ARAP1: variants seen among roughly 807,000 people sequenced by gnomAD.
The protein encoded by ARAP1 is ArfGAP with RhoGAP domain, ankyrin repeat and PH domain 1.
In ARAP1, 76 loss-of-function variants were observed where a neutral mutation model predicts 172.2. The ratio of observed to expected loss-of-function variants is 0.44; its 90% CI spans 0.37 to 0.53. The LOEUF is 0.53. Among genes scored for constraint, ARAP1 ranks in the 20% least tolerant of loss-of-function variants. The pLI, the probability that ARAP1 is intolerant of heterozygous loss-of-function variation, is 0.00. For synonymous variants in ARAP1, 804 were observed against 803.3 expected (o/e 1.00, Z -0.01); for missense variants, 1,686 against 1,977.5 (o/e 0.85, Z 2.80).
chr11:72,733,376 C>T (rs765640623), intron 1 of ARAP1, among the ~76,000 whole-genome samples: 5 of 152,194 alleles, frequency 3.3e-5, no homozygotes, highest in Non-Finnish European at 7.3e-5. Flanking sequence ...ACAGGACCCT[C>T]TCCACTAAGC....
At position 72,688,602 on chromosome 11, in the gene ARAP1, G is replaced by T. The variant is rs550121669; in HGVS notation, c.3988-65C>A. Reference sequence around the variant, plus strand: ...GAAAGGGCACTGGGGCCGCTCTCCCGACTGGGCAGCTCCCTCTTCCAACTC... The same window carrying T: ...GAAAGGGCACTGGGGCCGCTCTCCCTACTGGGCAGCTCCCTCTTCCAACTC... On this transcript the variant is annotated intron_variant, in intron 30 of 34. Transcript: ENST00000393609. 8.0e-6 allele frequency: 11 copies of T among 1,382,266 alleles called. No individual in the cohort carries two copies. In the African/African-American group the frequency reaches 1.4e-4, roughly 18 times the overall value. 85.6% of individuals were successfully genotyped at this position (1,382,266 alleles called of 1,614,324 possible).
intron 22 of ARAP1, 40 bp downstream of exon 22, chr11:72,696,943 G>C (rs1195532921): frequency 1.3e-6 from 2 of 1,573,630 alleles, no homozygotes; most frequent in African/African-American, 2.7e-5. Context: ...GGAGGGATGG[G>C]TGGAGGAGGA....
rs1017450746 is a variant in ARAP1, at chr11:72,711,097, G to A, written c.1137C>T (p.His379=). The change falls in exon 9 of 35, where the codon CAC becomes CAT. Residue 379 remains histidine (H), a synonymous_variant. Coordinates refer to ENST00000393609, the MANE Select transcript of ARAP1 (RefSeq NM_001040118.3). The part of the protein sequence containing the change: ...KRFISVACIS[H]VAAIGDQKFE... Reference sequence around the variant, plus strand: ...ACTTCTGGTCCCCGATGGCAGCCACGTGGGAGATGCAGGCCACAGAGATAA... The same window carrying A: ...ACTTCTGGTCCCCGATGGCAGCCACATGGGAGATGCAGGCCACAGAGATAA... 1.7e-5 allele frequency: 27 copies of A among 1,614,104 alleles called. No individual in the cohort carries two copies. Among genetic ancestry groups the A allele is most frequent in the Non-Finnish European group, 1.8e-5 (21 of 1,180,046 alleles).
At chr11:72,721,346 C>T (rs564691676) in intron 3 of ARAP1, among the ~76,000 whole-genome samples, 1 of 152,266 alleles carries the variant, frequency 6.6e-6, no homozygotes, top group African/African-American at 2.4e-5. Flanking sequence ...ACACCATCTC[C>T]CCATCACCCT....
Position 72,707,301 on chromosome 11 carries a change from A to T in ARAP1, c.1597T>A (p.Ser533Thr). The T allele has an allele frequency of 6.2e-7, 1 of 1,613,794 alleles. No homozygotes were observed. The highest frequency in any genetic ancestry group is 8.5e-7 in the Non-Finnish European group (1 of 1,179,960). ...AMQGAIAEAL[S>T]TSEVAERIWA... is the part of the protein sequence containing the mutation. The stretch of plus-strand genomic sequence containing the variant: ...ATGCGCTCGGCCACCTCCGAGGTAG[A>T]CAGGGCCTCAGCGATGGCTCCCTGC... Residue 533 changes from serine (S) to threonine (T), a missense_variant, in exon 12 of 35, where the codon TCT becomes ACT. Transcript: ENST00000393609.
chr11:72,697,579 C>G lies in ARAP1; in HGVS notation c.2789+19G>C. Reference sequence around the variant, plus strand: ...CTGCTCCAGCCTTCTCAGAGCCCCTCAGGGAGGCCGTGGCTCACCTCCTTC... The same window carrying G: ...CTGCTCCAGCCTTCTCAGAGCCCCTGAGGGAGGCCGTGGCTCACCTCCTTC... On this transcript the variant is annotated intron_variant, in intron 20 of 34. Transcript: ENST00000393609. 6.2e-7 allele frequency: 1 copy of G among 1,614,006 alleles called. No individual in the cohort carries two copies. Among genetic ancestry groups the G allele is most frequent in the Non-Finnish European group, 8.5e-7 (1 of 1,179,896 alleles).
In ARAP1 at chr11:72,702,916, T is replaced by A. The variant is rs748325298; in HGVS notation, c.2156A>T (p.Asn719Ile). ...TCTGCCACGCTCACCTGTGGTCCGG[T>A]TGTTCCGAAGGAATTCCATCTGCAG... ...QTLQMEFLRN[N>I]RTTEVPRLDS... Residue 719 changes from asparagine (N) to isoleucine (I), a missense_variant, in exon 15 of 35, where the codon AAC (asparagine) becomes ATC (isoleucine). Asn to Ile is a moderately radical substitution (Grantham distance 149). This residue lies in a region of ARAP1 where 688 missense variants were observed against 856.9 expected (regional missense o/e 0.80). Coordinates refer to ENST00000393609, the MANE Select transcript of ARAP1 (RefSeq NM_001040118.3). 1.3e-6 allele frequency: 2 copies of A among 1,554,678 alleles called. No homozygotes were observed. Among genetic ancestry groups the A allele is most frequent in the Non-Finnish European group, 1.7e-6 (2 of 1,148,730 alleles).
At position 72,699,212 on chromosome 11, in the gene ARAP1, C is replaced by T; in HGVS notation, c.2439-105G>A. ...CTCTGCCCCCTCCGCACTGCCTTGG[C>T]GCTTGTCCTTATTCTGGTCCCCTAA... On this transcript the variant is annotated intron_variant, in intron 17 of 34. Coordinates refer to ENST00000393609, the MANE Select transcript of ARAP1 (RefSeq NM_001040118.3). This position sits in a 1 kb window ranked among gnomAD's most constrained non-coding sequence, Gnocchi z 4.2. 4 of 1,438,892 alleles carry T rather than the reference C, an allele frequency of 2.8e-6. No homozygotes were observed. The highest frequency in any genetic ancestry group is 1.9e-4 in the Middle Eastern group (1 of 5,268). The allele number at this position is 1,438,892 out of a possible 1,614,324, so 89.1% of individuals were successfully genotyped here.
chr11:72,740,616 T>C (rs1858165179), intron 1 of ARAP1, among the ~76,000 whole-genome samples: 1 of 152,110 alleles, frequency 6.6e-6, no homozygotes, highest in Non-Finnish European at 1.5e-5. Flanking sequence ...AACTGCTAAT[T>C]TCCTAGGCCA....
intron 3 of ARAP1, among the ~76,000 whole-genome samples, chr11:72,717,263 G>A (rs191958190): frequency 8.2e-4 from 125 of 152,232 alleles, no homozygotes; most frequent in African/African-American, 2.6e-3. Flanking sequence ...AGAGGAAGGC[G>A]CCTTGGAAAC....
chr11:72,726,880 G>T lies in ARAP1; in HGVS notation c.249C>A (p.Pro83=). The change falls in exon 3 of 35, where the codon CCC becomes CCA. Residue 83 remains proline (P), a synonymous_variant. Coordinates refer to ENST00000393609, the MANE Select transcript of ARAP1 (RefSeq NM_001040118.3). The surrounding 1 kb of genome is among the most constrained non-coding windows in gnomAD (Gnocchi z 6.5). ...PAPRPTPRPV[P]MKRHIFRSPP... is the part of the protein sequence containing the mutation. ...GTGAGCGGAAGATGTGGCGCTTCAT[G>T]GGCACAGGCCGTGGGGTGGGGCGGG... 6.3e-7 allele frequency: 1 copy of T among 1,575,958 alleles called. No individual in the cohort carries two copies. The highest frequency in any genetic ancestry group is 2.3e-5 in the East Asian group (1 of 42,972).
chr11:72,688,751 T>C (rs998220870), intron 30 of ARAP1: 36 of 546,492 alleles, frequency 6.6e-5, no homozygotes, highest in Admixed American at 1.9e-4. Flanking sequence ...CCTGTCTCCC[T>C]GCAGCAGTAT....
At chr11:72,718,926 C>A (rs1353402955) in intron 3 of ARAP1, among the ~76,000 whole-genome samples, 2 of 152,170 alleles carry the variant, frequency 1.3e-5, no homozygotes, top group Non-Finnish European at 1.5e-5. Context: ...TTCATTAACT[C>A]TGTGTGTGCG....
chr11:72,711,614 G>A, intron 7 of ARAP1, 115 bp from the exon 8 acceptor site: 1 of 831,494 alleles, frequency 1.2e-6, no homozygotes, highest in South Asian at 1.6e-5. Flanking sequence ...TTCTAGGGAG[G>A]AAGAATCCCA....
intron 3 of ARAP1, among the ~76,000 whole-genome samples, chr11:72,724,195 C>G (rs1466741903): frequency 6.6e-6 from 1 of 152,134 alleles, no homozygotes; most frequent in Non-Finnish European, 1.5e-5. Flanking sequence ...CACCCACACC[C>G]ATCTGTATGG....
In ARAP1 at chr11:72,699,452, A is replaced by C; in HGVS notation, c.2403T>G (p.Ile801Met). 6.2e-7 allele frequency: 1 copy of C among 1,614,068 alleles called. No individual in the cohort carries two copies. The highest frequency in any genetic ancestry group is 1.3e-5 in the African/African-American group (1 of 75,014). ...TPNGEIRASE[I>M]VCLAVPPPDT... ...CAGGAGGGGGCACTGCCAGGCACACAATCTCGCTGGCCCGAATCTCTCCAT... is the reference window on the plus strand; with the variant it reads ...CAGGAGGGGGCACTGCCAGGCACACCATCTCGCTGGCCCGAATCTCTCCAT... Residue 801 changes from isoleucine (I) to methionine (M), a missense_variant, in exon 17 of 35, where the codon ATT becomes ATG. Physicochemically the swap from Ile to Met is conservative, Grantham distance 10 (BLOSUM62 1). Coordinates refer to ENST00000393609, the MANE Select transcript of ARAP1 (RefSeq NM_001040118.3). This position sits in a 1 kb window ranked among gnomAD's most constrained non-coding sequence, Gnocchi z 4.2.
chr11:72,735,420 G>A (rs1410713886), intron 1 of ARAP1, among the ~76,000 whole-genome samples: 4 of 151,846 alleles, frequency 2.6e-5, no homozygotes, highest in East Asian at 2.0e-4. Context: ...AGACCAGCCC[G>A]ACTGTCTCTA....
rs966033274 is a variant in ARAP1 at position 72,752,365 on chromosome 11, A to T, written c.-165T>A. 1 of 152,278 alleles carries T rather than the reference A, an allele frequency of 6.6e-6. No homozygotes were observed. Among genetic ancestry groups the T allele is most frequent in the African/African-American group, 2.4e-5 (1 of 41,434 alleles). 9.4% of individuals were successfully genotyped at this position (152,278 alleles called of 1,614,324 possible). A position where few individuals can be genotyped will look rare whatever the true frequency, so the allele number is the denominator to read the frequency against. ...AAGACTCCACGCGGGGACCAGGCGT[A>T]CCGGCGCCGCCACCGACTTACACCG... On this transcript the variant is annotated 5_prime_UTR_variant, in exon 1 of 35. Coordinates refer to ENST00000393609, the MANE Select transcript of ARAP1 (RefSeq NM_001040118.3).
At chr11:72,718,321 A>G (rs967518805) in intron 3 of ARAP1, among the ~76,000 whole-genome samples, 3 of 151,672 alleles carry the variant, frequency 2.0e-5, no homozygotes, top group Admixed American at 6.6e-5. Flanking sequence ...CCCAAGTCCC[A>G]GCCTCTCACT....
Sources: gnomAD v4.1 joint callset for allele counts (sites outside exome capture counted in the v4.1 genomes callset) on GRCh38, gnomAD v4.1.1 for gene constraint, gnomAD v4.1.1 regional missense constraint, Gnocchi (gnomAD v3.1) non-coding constraint, MANE v1.5 for transcripts, NCBI Gene and HGNC (gene_info 2026-07-23, HGNC 2026-07-21) for gene names.